KCNMB2: variants seen among roughly 807,000 people sequenced by gnomAD.
The protein encoded by KCNMB2 is potassium calcium-activated channel subfamily M regulatory beta subunit 2, also known as calcium-activated potassium channel subunit beta-2.
In KCNMB2, 9 loss-of-function variants were observed where a neutral mutation model predicts 24.5. The ratio of observed to expected loss-of-function variants is 0.37; its 90% CI spans 0.22 to 0.64. The LOEUF is 0.64. Among genes scored for constraint, KCNMB2 ranks in the 30% least tolerant of loss-of-function variants. The probability of loss-of-function intolerance (pLI) is 0.63; values close to 1 mark genes in which losing one functional copy is unlikely to be tolerated. For missense variants in KCNMB2, 226 were observed against 284.3 expected, an observed-to-expected ratio of 0.79 and a Z score of 1.47; for synonymous variants, 109 against 104.4, an observed-to-expected ratio of 1.04 and a Z score of -0.27.
intron 1 of KCNMB2, among the ~76,000 whole-genome samples, chr3:178,711,153 G>A (rs1383058635): frequency 6.6e-6 from 1 of 152,212 alleles, no homozygotes; most frequent in African/African-American, 2.4e-5. Context: ...GAGAAAAAGT[G>A]ATGAGAAAAT....
chr3:178,836,226 T>A (rs931279555), intron 4 of KCNMB2, among the ~76,000 whole-genome samples: 3 of 152,136 alleles, frequency 2.0e-5, no homozygotes, highest in Admixed American at 2.0e-4. Flanking sequence ...TAGTGAGGCA[T>A]GTCTGAAAAA....
intron 1 of KCNMB2, among the ~76,000 whole-genome samples, chr3:178,546,159 A>C (rs1007072908): frequency 2.0e-5 from 3 of 152,220 alleles, no homozygotes; most frequent in Non-Finnish European, 4.4e-5. Flanking sequence ...ATATGAGAAA[A>C]TTTTTGTAGA....
intron 1 of KCNMB2, among the ~76,000 whole-genome samples, chr3:178,578,179 C>T (rs1717062837): frequency 6.6e-6 from 1 of 152,206 alleles, no homozygotes; most frequent in African/African-American, 2.4e-5. Flanking sequence ...CAGCAGATCT[C>T]TCTGCAGAAA....
At chr3:178,754,972 C>T (rs1254694052) in intron 1 of KCNMB2, among the ~76,000 whole-genome samples, 1 of 152,230 alleles carries the variant, frequency 6.6e-6, no homozygotes, top group Non-Finnish European at 1.5e-5. Flanking sequence ...TGCCTTGCAG[C>T]CGTCATTGGC....
rs79741395 is a variant in KCNMB2 at position 178,614,744 on chromosome 3, C to T, written c.-68+78033C>T. On this transcript the variant is annotated intron_variant, in intron 1 of 4. Coordinates refer to ENST00000452583, the MANE Select transcript of KCNMB2 (RefSeq NM_181361.3). ...TTTGAATTCTGTGTCTGAGAGGTCA[C>T]ATAACTGTTTCTCCACCATTGGTCC... is the stretch of plus-strand genomic sequence containing the variant. Among the ~76,000 whole-genome samples the T allele has an allele frequency of 3.7e-3, 559 of 152,256 alleles. 5 individuals are homozygous for T. The highest frequency in any genetic ancestry group is 0.014 in the Middle Eastern group (4 of 294).
At chr3:178,550,823 A>G (rs527402900) in intron 1 of KCNMB2, among the ~76,000 whole-genome samples, 5 of 152,332 alleles carry the variant, frequency 3.3e-5, no homozygotes, top group African/African-American at 1.2e-4. Context: ...GGGCTTTTGT[A>G]TAAGTTAAAT....
intron 1 of KCNMB2, among the ~76,000 whole-genome samples, chr3:178,797,505 C>T (rs1232215352): frequency 2.6e-5 from 4 of 152,150 alleles, no homozygotes; most frequent in Admixed American, 6.5e-5. Context: ...AACTCAACAA[C>T]ACATTAAAAA....
intron 1 of KCNMB2, among the ~76,000 whole-genome samples, chr3:178,638,145 G>A (rs1719596236): frequency 6.6e-6 from 1 of 151,974 alleles, no homozygotes; most frequent in East Asian, 1.9e-4. Flanking sequence ...TATTTTCTCT[G>A]TCTTCCAGCC....
intron 1 of KCNMB2, among the ~76,000 whole-genome samples, chr3:178,773,095 C>T (rs111387522): frequency 1.2e-4 from 19 of 152,218 alleles, no homozygotes; most frequent in African/African-American, 4.1e-4. Flanking sequence ...CTGGCATGGA[C>T]GAGGGCATTC....
At chr3:178,641,943 T>C (rs1001465098) in intron 1 of KCNMB2, among the ~76,000 whole-genome samples, 2 of 152,198 alleles carry the variant, frequency 1.3e-5, no homozygotes, top group Non-Finnish European at 2.9e-5. Flanking sequence ...TGCTTATTTA[T>C]CCATTTTATT....
chr3:178,713,158 G>C (rs1722509407), intron 1 of KCNMB2, among the ~76,000 whole-genome samples: 1 of 152,306 alleles, frequency 6.6e-6, no homozygotes, highest in Middle Eastern at 3.4e-3. Flanking sequence ...ATTGGTTACT[G>C]TAAGGACTGA....
chr3:178,756,435 T>A (rs759495405), intron 1 of KCNMB2, among the ~76,000 whole-genome samples: 1 of 152,144 alleles, frequency 6.6e-6, no homozygotes, highest in African/African-American at 2.4e-5. Flanking sequence ...AACAAAACCT[T>A]GTTTTATGTG....
chr3:178,626,895 T>C (rs914357866), intron 1 of KCNMB2, among the ~76,000 whole-genome samples: 9 of 148,738 alleles, frequency 6.1e-5, no homozygotes, highest in African/African-American at 2.2e-4. Context: ...TATATATATA[T>C]AGTAAGTATA....
At chr3:178,677,099 C>T (rs1473814967) in intron 1 of KCNMB2, among the ~76,000 whole-genome samples, 1 of 152,166 alleles carries the variant, frequency 6.6e-6, no homozygotes, top group Admixed American at 6.5e-5. Flanking sequence ...AAGTCTTCTT[C>T]AGCCCAACTT....
At chr3:178,750,064 A>G (rs12496661) in intron 1 of KCNMB2, among the ~76,000 whole-genome samples, 51,017 of 151,986 alleles carry the variant, frequency 0.34, 9,845 homozygotes, top group African/African-American at 0.54. Context: ...TTTGTAGAGA[A>G]AGACACATCC....
At chr3:178,832,263 T>C (rs997203790) in intron 4 of KCNMB2, among the ~76,000 whole-genome samples, 1 of 152,174 alleles carries the variant, frequency 6.6e-6, no homozygotes, top group Non-Finnish European at 1.5e-5. Context: ...CTATTTTTTT[T>C]CCATTGTCTT....
At chr3:178,833,963 A>C (rs1044859812) in intron 4 of KCNMB2, among the ~76,000 whole-genome samples, 2 of 152,112 alleles carry the variant, frequency 1.3e-5, no homozygotes, top group African/African-American at 2.4e-5. Flanking sequence ...ACAGCAGCTG[A>C]GTATTAATTC....
chr3:178,544,902 G>A (rs2054396), intron 1 of KCNMB2, among the ~76,000 whole-genome samples: 95,308 of 152,080 alleles, frequency 0.63, 31,041 homozygotes, highest in African/African-American at 0.81. Flanking sequence ...ACTATATTAA[G>A]TATATACAAT....
intron 1 of KCNMB2, among the ~76,000 whole-genome samples, chr3:178,593,706 G>A (rs559037253): frequency 2.6e-5 from 4 of 151,034 alleles, no homozygotes; most frequent in East Asian, 3.9e-4. Context: ...CCAATTCCCC[G>A]GCCTTAGATT....
Sources: gnomAD v4.1 joint callset for allele counts (sites outside exome capture counted in the v4.1 genomes callset) on GRCh38, gnomAD v4.1.1 for gene constraint, MANE v1.5 for transcripts, NCBI Gene and HGNC (gene_info 2026-07-23, HGNC 2026-07-21) for gene names.